The following ITIH4 variants were observed in gnomAD, a reference collection of about 807,000 sequenced individuals.
ITIH4 encodes inter-alpha-trypsin inhibitor heavy chain H4.
A neutral mutation model predicts 111.8 loss-of-function variants in ITIH4; 79 were observed. The observed-to-expected ratio is 0.71, with a 90% CI of 0.59 to 0.85. The LOEUF (loss-of-function observed/expected upper bound fraction) is 0.85, where lower values mean the gene tolerates loss of function less well. ITIH4 is among the 40% of genes least tolerant of loss of function. ITIH4 has a pLI of 0.00. For synonymous variants in ITIH4, 472 were observed against 468.3 expected (o/e 1.01, Z -0.10); for missense variants, 1,065 against 1,195.8 (o/e 0.89, Z 1.61).
chr3:52,817,177 C>A, intron 20 of ITIH4, 119 bp from the exon 21 acceptor site: 2 of 760,954 alleles, frequency 2.6e-6, no homozygotes, highest in Non-Finnish European at 4.3e-6. Context: ...CCTCCCTCAT[C>A]AGGAGGGGTG....
Position 52,817,157 on chromosome 3 carries a change from G to C in ITIH4, c.2297-99C>G. ...CCCTGATCACACCCCCTGGAGTTCT[G>C]CAGCAGCTCCCTCCCTCATCAGGAG... is the stretch of plus-strand genomic sequence containing the variant. On this transcript the variant is annotated intron_variant, in intron 20 of 23. Coordinates refer to ENST00000266041, the MANE Select transcript of ITIH4 (RefSeq NM_002218.5). 4.1e-6 allele frequency: 4 copies of C among 975,642 alleles called. No individual in the cohort carries two copies. The South Asian group carries it at 4.8e-5, about 12-fold the overall frequency. The allele number at this position is 975,642 out of a possible 1,614,324, so 60.4% of individuals were successfully genotyped here. A position where few individuals can be genotyped will look rare whatever the true frequency, so the allele number is the denominator to read the frequency against.
At position 52,816,864 on chromosome 3, in the gene ITIH4, G is replaced by C; in HGVS notation, c.2471+20C>G. ...GCCTGAAAGGTCAACCCCTGCCCCG[G>C]GCTCCAGCCTGGGCCTTACCCGGGC... On this transcript the variant is annotated intron_variant, in intron 21 of 23. Coordinates refer to ENST00000266041, the MANE Select transcript of ITIH4 (RefSeq NM_002218.5). The C allele has an allele frequency of 6.2e-7, 1 of 1,609,854 alleles. No homozygotes were observed. The highest frequency in any genetic ancestry group is 8.5e-7 in the Non-Finnish European group (1 of 1,177,468).
Position 52,813,105 on chromosome 3 carries a change from C to T in ITIH4, c.*316G>A, listed in dbSNP as rs191952835. On this transcript the variant is annotated 3_prime_UTR_variant, in exon 24 of 24. Coordinates refer to ENST00000266041, the MANE Select transcript of ITIH4 (RefSeq NM_002218.5). ...ACAGTGACATCTCAAATGGGTGGTT[C>T]GAGCTCAGTTTCCTTGTTTGTAAAA... 20 of 284,568 alleles carry T rather than the reference C, an allele frequency of 7.0e-5. No homozygotes were observed. Among genetic ancestry groups the T allele is most frequent in the Non-Finnish European group, 9.8e-5 (15 of 153,472 alleles). 17.6% of individuals were successfully genotyped at this position (284,568 alleles called of 1,614,324 possible).
At chr3:52,816,720 C>T (rs140324214) in intron 21 of ITIH4, among the ~76,000 whole-genome samples, 164 bp downstream of exon 21, 148 of 152,304 alleles carry the variant, frequency 9.7e-4, no homozygotes, top group African/African-American at 3.2e-3. Context: ...CAGTGCCCTC[C>T]GGAGCTGCAG....
chr3:52,820,342 G>A, intron 13 of ITIH4, 25 bp from the exon 14 acceptor site: 2 of 1,609,948 alleles, frequency 1.2e-6, no homozygotes, highest in East Asian at 4.5e-5. Context: ...GAGAGAGAGA[G>A]AGACAGACAG....
chr3:52,818,871 A>C, intron 17 of ITIH4: 1 of 358,098 alleles, frequency 2.8e-6, no homozygotes. Flanking sequence ...AGTGAAAGTA[A>C]AGGACAGGTG....
rs1700222467 is a variant in ITIH4, at chr3:52,813,299, CCTTT to C, written c.*118_*121del. On this transcript the variant is annotated 3_prime_UTR_variant, in exon 24 of 24. Transcript: ENST00000266041. ...ACACCCACTTCCCAGGCTCACACCA[CCTTT>C]CTTTATTTGTAATGAGTGGGACTCT... is the stretch of plus-strand genomic sequence containing the variant. 8.9e-6 allele frequency: 8 copies of C among 903,506 alleles called. No individual in the cohort carries two copies. Among genetic ancestry groups the C allele is most frequent in the Non-Finnish European group, 1.4e-5 (8 of 552,578 alleles). 56.0% of individuals were successfully genotyped at this position (903,506 alleles called of 1,614,324 possible).
At chr3:52,818,611 C>G (rs1199188991) in intron 17 of ITIH4, 75 bp from the exon 18 acceptor site, 5 of 1,265,288 alleles carry the variant, frequency 4.0e-6, no homozygotes, top group Non-Finnish European at 5.6e-6. Context: ...AGCGCTGCCA[C>G]CAAGCTCCAG....
rs1700553419 is a variant in ITIH4 at position 52,830,596 on chromosome 3, A to G, written c.47T>C (p.Leu16Pro). The G allele has an allele frequency of 1.9e-6, 3 of 1,614,068 alleles. No homozygotes were observed. Among genetic ancestry groups the G allele is most frequent in the Non-Finnish European group, 1.7e-6 (2 of 1,180,012 alleles). ...PVRTCSKVLVLLSLLAIHQTT... is the reference protein window; with the variant it reads ...PVRTCSKVLVPLSLLAIHQTT... ...CTGGTGGATGGCCAGCAGTGAAAGC[A>G]GGACGAGAACTTTGCTGCAGGTACG... Residue 16 changes from leucine (L) to proline (P), a missense_variant, in exon 1 of 24, where the codon CTG becomes CCG. By Grantham distance (98) the Leu-to-Pro change is moderately conservative (BLOSUM62 -3). Coordinates refer to ENST00000266041, the MANE Select transcript of ITIH4 (RefSeq NM_002218.5).
At position 52,823,930 on chromosome 3, in the gene ITIH4, C is replaced by G. The variant is rs754459664; in HGVS notation, c.1246G>C (p.Gly416Arg). The G allele has an allele frequency of 1.9e-6, 3 of 1,608,016 alleles. No homozygotes were observed. The East Asian group carries it at 6.7e-5, about 36-fold the overall frequency. ...GCATAGCTGACGTCGAAACCGAAGCCCAGGCAGAAGAGGCTGTACCGGCCA... is the reference window on the plus strand; with the variant it reads ...GCATAGCTGACGTCGAAACCGAAGCGCAGGCAGAAGAGGCTGTACCGGCCA... ...VSGRYSLFCL[G>R]FGFDVSYAFL... The change falls in exon 10 of 24, where the codon GGC (glycine) becomes CGC (arginine). Residue 416 changes from glycine (G) to arginine (R), a missense_variant. Transcript: ENST00000266041.
chr3:52,829,174 C>T lies in ITIH4; in HGVS notation c.196G>A (p.Glu66Lys). 1 of 1,613,320 alleles carries T rather than the reference C, an allele frequency of 6.2e-7. No individual in the cohort carries two copies. Among genetic ancestry groups the T allele is most frequent in the Non-Finnish European group, 8.5e-7 (1 of 1,179,394 alleles). ...RVVNRANTVQ[E>K]ATFQMELPKK... ...GGCAGCTCCATCTGGAAGGTGGCCT[C>T]CTGCACAGTATTGGCCCTATTGACC... The change falls in exon 2 of 24, where the codon GAG becomes AAG. Residue 66 changes from glutamate (E) to lysine (K), a missense_variant. By Grantham distance (56) the Glu-to-Lys change is moderately conservative. Coordinates refer to ENST00000266041, the MANE Select transcript of ITIH4 (RefSeq NM_002218.5).
intron 17 of ITIH4, 120 bp from the exon 18 acceptor site, chr3:52,818,656 A>C (rs1700322422): frequency 1.3e-6 from 1 of 792,144 alleles, no homozygotes; most frequent in Non-Finnish European, 2.1e-6. Flanking sequence ...TCCACCTAGA[A>C]TGGCCTTTGT....
In ITIH4 at chr3:52,819,214, C is replaced by T. The variant is rs1022351748; in HGVS notation, c.2077+179G>A. 8 of 665,764 alleles carry T rather than the reference C, an allele frequency of 1.2e-5. No homozygotes were observed. In the African/African-American group the frequency reaches 1.3e-4, roughly 11 times the overall value. 41.2% of individuals were successfully genotyped at this position (665,764 alleles called of 1,614,324 possible). A position where few individuals can be genotyped will look rare whatever the true frequency, so the allele number is the denominator to read the frequency against. On this transcript the variant is annotated intron_variant, in intron 17 of 23. Coordinates refer to ENST00000266041, the MANE Select transcript of ITIH4 (RefSeq NM_002218.5). ...AGCCTCCTTAGGAAATGCACTCCCA[C>T]CCCAGCCCCAGTAAATGATCCCAGG...
At chr3:52,815,754 G>T (rs1700270408) in intron 21 of ITIH4, among the ~76,000 whole-genome samples, 1 of 151,472 alleles carries the variant, frequency 6.6e-6, no homozygotes, top group African/African-American at 2.4e-5. Flanking sequence ...GCGCAGTGGT[G>T]TTAACTCAGC....
Position 52,816,780 on chromosome 3 carries a change from G to A in ITIH4, c.2471+104C>T, listed in dbSNP as rs796223000. On this transcript the variant is annotated intron_variant, in intron 21 of 23. Transcript: ENST00000266041. ...CTTTGCCCCTCCTGTGAGTGTAGCT[G>A]CTCCATTCTCAGGTCCATGGCCTCA... The A allele has an allele frequency of 1.5e-5, 16 of 1,075,346 alleles. No homozygotes were observed. The African/African-American group carries it at 2.2e-4, about 15-fold the overall frequency. 66.6% of individuals were successfully genotyped at this position (1,075,346 alleles called of 1,614,324 possible). A position where few individuals can be genotyped will look rare whatever the true frequency, so the allele number is the denominator to read the frequency against.
intron 13 of ITIH4, 122 bp downstream of exon 13, chr3:52,820,509 C>A: frequency 7.8e-7 from 1 of 1,288,064 alleles, no homozygotes; most frequent in Non-Finnish European, 1.1e-6. Context: ...TAGGCTGAAT[C>A]TCCCAGGGGG....
intron 17 of ITIH4, chr3:52,819,082 CT>C: frequency 2.6e-6 from 1 of 381,000 alleles, no homozygotes; most frequent in Non-Finnish European, 4.9e-6. Flanking sequence ...GGCCTGTGGT[CT>C]GACAACCTAG....
At chr3:52,829,431 G>GT (rs1255776819) in intron 1 of ITIH4, 152 bp from the exon 2 acceptor site, 7 of 739,850 alleles carry the variant, frequency 9.5e-6, no homozygotes, top group Non-Finnish European at 1.5e-5. Context: ...GCTGAACCCA[G>GT]TGAGGCATCT....
intron 20 of ITIH4, among the ~76,000 whole-genome samples, chr3:52,817,733 G>A (rs1700305575): frequency 6.6e-6 from 1 of 152,218 alleles, no homozygotes. Context: ...CACCCGCCAT[G>A]GCCCTGCCAT....
Sources: allele counts gnomAD v4.1 joint callset (sites outside exome capture counted in the v4.1 genomes callset), GRCh38; gene constraint gnomAD v4.1.1; transcripts MANE v1.5; gene names NCBI Gene and HGNC (gene_info 2026-07-23, HGNC 2026-07-21).